Variants in UNC5C observed in about 807,000 individuals in gnomAD.
UNC5C encodes the protein netrin receptor UNC5C.
Under a neutral mutation model 99.8 loss-of-function variants are expected in UNC5C, and 47 were observed. The observed-to-expected ratio is 0.47, with a 90% confidence interval of 0.37 to 0.60. UNC5C has a LOEUF of 0.60. Among genes scored for constraint, UNC5C ranks in the 20% least tolerant of loss-of-function variants. The pLI is 0.00. For synonymous variants in UNC5C, 487 were observed against 452.2 expected (o/e 1.08, Z -0.98); for missense variants, 1,062 against 1,165.9 (o/e 0.91, Z 1.30).
intron 1 of UNC5C, among the ~76,000 whole-genome samples, chr4:95,457,564 C>T (rs935915706): frequency 2.6e-5 from 4 of 152,076 alleles, no homozygotes; most frequent in Admixed American, 6.6e-5. Context: ...TCTACACTCA[C>T]GTTTCCCATT....
intron 1 of UNC5C, among the ~76,000 whole-genome samples, chr4:95,450,490 G>A (rs934036140): frequency 1.1e-4 from 16 of 152,308 alleles, no homozygotes; most frequent in Admixed American, 9.1e-4. Context: ...ACAGGCATAA[G>A]CCACTGCACC....
chr4:95,234,716 G>T (rs1739045963), intron 7 of UNC5C, among the ~76,000 whole-genome samples: 1 of 152,146 alleles, frequency 6.6e-6, no homozygotes, highest in Non-Finnish European at 1.5e-5. Context: ...AAGGCACCAA[G>T]GCATTGATTA....
At chr4:95,381,666 C>G (rs1745075986) in intron 1 of UNC5C, among the ~76,000 whole-genome samples, 1 of 151,956 alleles carries the variant, frequency 6.6e-6, no homozygotes, top group Non-Finnish European at 1.5e-5. Flanking sequence ...TAGTTTGTGT[C>G]TAAATTTTGA....
At chr4:95,389,974 G>A (rs1745310019) in intron 1 of UNC5C, among the ~76,000 whole-genome samples, 2 of 152,228 alleles carry the variant, frequency 1.3e-5, no homozygotes, top group South Asian at 4.1e-4. Flanking sequence ...CTATTGGACA[G>A]CATTACGCTA....
intron 1 of UNC5C, among the ~76,000 whole-genome samples, chr4:95,387,651 A>G (rs1284041154): frequency 2.6e-5 from 4 of 152,224 alleles, no homozygotes; most frequent in Non-Finnish European, 5.9e-5. Flanking sequence ...CTGTGTTTCT[A>G]TGACTGCTGT....
chr4:95,337,283 CTA>C (rs1432221566), intron 1 of UNC5C, among the ~76,000 whole-genome samples: 5 of 151,854 alleles, frequency 3.3e-5, no homozygotes, highest in Non-Finnish European at 7.4e-5. Context: ...TATTTAATAA[CTA>C]TTTATTTAAG....
At chr4:95,386,973 T>C (rs958058963) in intron 1 of UNC5C, among the ~76,000 whole-genome samples, 3 of 152,208 alleles carry the variant, frequency 2.0e-5, no homozygotes, top group Non-Finnish European at 2.9e-5. Flanking sequence ...TTTGCTGCAA[T>C]GTTTATTCTA....
chr4:95,170,613 C>T (rs553880556), intron 14 of UNC5C, among the ~76,000 whole-genome samples: 3 of 152,154 alleles, frequency 2.0e-5, no homozygotes, highest in African/African-American at 7.2e-5. Context: ...TGGTGTGATT[C>T]GATAACAGCT....
At chr4:95,267,235 C>T (rs1197744311) in intron 4 of UNC5C, among the ~76,000 whole-genome samples, 1 of 152,156 alleles carries the variant, frequency 6.6e-6, no homozygotes, top group African/African-American at 2.4e-5. Flanking sequence ...CTTCACAATG[C>T]CCTGGGCAGA....
intron 4 of UNC5C, among the ~76,000 whole-genome samples, chr4:95,267,718 T>C (rs1740498065): frequency 6.6e-6 from 1 of 152,168 alleles, no homozygotes; most frequent in Admixed American, 6.5e-5. Flanking sequence ...GCTTATATTA[T>C]GAAATAATTG....
At chr4:95,370,150 G>T (rs932727829) in intron 1 of UNC5C, among the ~76,000 whole-genome samples, 1 of 152,084 alleles carries the variant, frequency 6.6e-6, no homozygotes, top group Non-Finnish European at 1.5e-5. Context: ...CTGAGATGTG[G>T]CTTAAATGTA....
At position 95,163,367 on chromosome 4, in the gene UNC5C, T is replaced by C. The variant is rs1416741276; in HGVS notation, c.*5867A>G. On this transcript the variant is annotated 3_prime_UTR_variant, in exon 16 of 16. Coordinates refer to ENST00000453304, the MANE Select transcript of UNC5C (RefSeq NM_003728.4). Reference sequence around the variant, plus strand: ...GAGTTGTTTTAACATTGAGAACCTATGTAGCTCAGGTCCCCATTCTCTGAT... The same window carrying C: ...GAGTTGTTTTAACATTGAGAACCTACGTAGCTCAGGTCCCCATTCTCTGAT... The C allele has an allele frequency of 6.6e-6, 1 of 152,252 alleles. No homozygotes were observed. Among genetic ancestry groups the C allele is most frequent in the Non-Finnish European group, 1.5e-5 (1 of 68,052 alleles). The allele number at this position is 152,252 out of a possible 1,614,324, so 9.4% of individuals were successfully genotyped here.
chr4:95,344,704 A>G (rs1320134640), intron 1 of UNC5C, among the ~76,000 whole-genome samples: 7 of 152,142 alleles, frequency 4.6e-5, no homozygotes, highest in African/African-American at 1.7e-4. Flanking sequence ...CAGGGGACAA[A>G]GTTAAAGTGT....
At chr4:95,242,385 T>A (rs1390062015) in intron 7 of UNC5C, 44 bp downstream of exon 7, 1 of 1,608,438 alleles carries the variant, frequency 6.2e-7, no homozygotes, top group South Asian at 1.1e-5. Context: ...AATGGTTCAA[T>A]CTCCAGCCCC....
intron 1 of UNC5C, among the ~76,000 whole-genome samples, chr4:95,439,578 C>T (rs1318155353): frequency 2.6e-5 from 4 of 151,952 alleles, no homozygotes; most frequent in Admixed American, 1.3e-4. Flanking sequence ...CACATACTTC[C>T]GTGTTAATGT....
intron 6 of UNC5C, 69 bp from the exon 7 acceptor site, chr4:95,242,662 AAATAT>A: frequency 7.0e-7 from 1 of 1,438,706 alleles, no homozygotes. Flanking sequence ...AGCAGAGCTC[AAATAT>A]AATACAACAA....
At chr4:95,281,398 G>T (rs1227668390) in intron 3 of UNC5C, among the ~76,000 whole-genome samples, 1 of 152,176 alleles carries the variant, frequency 6.6e-6, no homozygotes, top group South Asian at 2.1e-4. Flanking sequence ...TTTCTGTCAT[G>T]CTATGGAAAG....
chr4:95,309,909 A>G (rs1284500477), intron 2 of UNC5C, among the ~76,000 whole-genome samples: 1 of 152,204 alleles, frequency 6.6e-6, no homozygotes, highest in Non-Finnish European at 1.5e-5. Context: ...AAACTACCAT[A>G]TGATCCAGCA....
At chr4:95,484,282 T>G (rs1383506353) in intron 1 of UNC5C, among the ~76,000 whole-genome samples, 1 of 151,880 alleles carries the variant, frequency 6.6e-6, no homozygotes, top group Non-Finnish European at 1.5e-5. Flanking sequence ...AGGAGTGATA[T>G]GACCTAACAC....
Sources: allele counts gnomAD v4.1 joint callset (sites outside exome capture counted in the v4.1 genomes callset), GRCh38; gene constraint gnomAD v4.1.1; transcripts MANE v1.5; gene names NCBI Gene and HGNC (gene_info 2026-07-23, HGNC 2026-07-21).